RBMS2: variants seen among roughly 807,000 people sequenced by gnomAD.
The protein encoded by RBMS2 is RNA binding motif single stranded interacting protein 2.
RBMS2 carries 38 observed loss-of-function variants against 58.4 expected under a neutral mutation model. That is an observed-to-expected ratio of 0.65 (90% CI 0.50 to 0.85). RBMS2 has a LOEUF of 0.85. Among genes scored for constraint, RBMS2 ranks in the 40% least tolerant of loss-of-function variants. The probability of loss-of-function intolerance (pLI) is 0.00; values close to 1 mark genes in which losing one functional copy is unlikely to be tolerated. For missense variants in RBMS2, 367 were observed against 503.7 expected, an observed-to-expected ratio of 0.73 and a Z score of 2.60; for synonymous variants, 151 against 180.7, an observed-to-expected ratio of 0.84 and a Z score of 1.32.
At chr12:56,588,252 C>T (rs765518724) in intron 11 of RBMS2, 42 bp from the exon 12 acceptor site, 1 of 1,538,822 alleles carries the variant, frequency 6.5e-7, no homozygotes, top group Non-Finnish European at 9.0e-7. Context: ...CAAATGTAGC[C>T]AAAAATCACT....
chr12:56,588,807 CAT>C, intron 12 of RBMS2, 123 bp from the exon 13 acceptor site: 2 of 830,252 alleles, frequency 2.4e-6, no homozygotes, highest in Non-Finnish European at 4.1e-6. Context: ...AACACTCACA[CAT>C]GAGTGTGGAG....
Position 56,591,325 on chromosome 12 carries a change from C to T in RBMS2, c.*2192C>T, listed in dbSNP as rs1028915845. On this transcript the variant is annotated 3_prime_UTR_variant, in exon 14 of 14. Coordinates refer to ENST00000262031, the MANE Select transcript of RBMS2 (RefSeq NM_002898.4). ...CAGCTTTCCCTCCCTTCCCAGCCAC[C>T]CTAGAATTGAGAGTCCCAGTGCCCC... 1 of 152,122 alleles carries T rather than the reference C, an allele frequency of 6.6e-6. No individual in the cohort carries two copies. Among genetic ancestry groups the T allele is most frequent in the African/African-American group, 2.4e-5 (1 of 41,388 alleles). The allele number at this position is 152,122 out of a possible 1,614,324, so 9.4% of individuals were successfully genotyped here.
At chr12:56,569,751 G>A in intron 3 of RBMS2, 148 bp from the exon 4 acceptor site, 2 of 704,350 alleles carry the variant, frequency 2.8e-6, no homozygotes, top group Non-Finnish European at 4.9e-6. Context: ...AGGAGCATGT[G>A]GATAACTACC....
intron 1 of RBMS2, among the ~76,000 whole-genome samples, chr12:56,532,569 A>T (rs988197856): frequency 2.5e-3 from 123 of 48,926 alleles, no homozygotes; most frequent in African/African-American, 5.6e-3. Flanking sequence ...TAATTAAATT[A>T]AAAAAAAACT....
rs1036617857 is a variant in RBMS2 at position 56,593,237 on chromosome 12, G to A, written c.*4104G>A. On this transcript the variant is annotated 3_prime_UTR_variant, in exon 14 of 14. Transcript: ENST00000262031. ...CTCACTGCAGCCTCGACCTCCCAAGGCTCAGGTGATCCTCTTGCCTCAGCC... is the reference window on the plus strand; with the variant it reads ...CTCACTGCAGCCTCGACCTCCCAAGACTCAGGTGATCCTCTTGCCTCAGCC... The A allele has an allele frequency of 2.0e-5, 3 of 151,602 alleles. No individual in the cohort carries two copies. Among genetic ancestry groups the A allele is most frequent in the Non-Finnish European group, 4.4e-5 (3 of 67,996 alleles). 9.4% of individuals were successfully genotyped at this position (151,602 alleles called of 1,614,324 possible). A position where few individuals can be genotyped will look rare whatever the true frequency, so the allele number is the denominator to read the frequency against.
rs909930491 is a variant in RBMS2, at chr12:56,594,873, ATTTC to A, written c.*5744_*5747del. The A allele has an allele frequency of 3.3e-5, 5 of 152,190 alleles. No individual in the cohort carries two copies. Among genetic ancestry groups the A allele is most frequent in the African/African-American group, 1.2e-4 (5 of 41,458 alleles). 9.4% of individuals were successfully genotyped at this position (152,190 alleles called of 1,614,324 possible). On this transcript the variant is annotated 3_prime_UTR_variant, in exon 14 of 14. Transcript: ENST00000262031. ...AACAGGTAAATACCTGGATTCACTG[ATTTC>A]TTTACTGTCCTTCTCTGAGGGTTGG...
intron 5 of RBMS2, 86 bp from the exon 6 acceptor site, chr12:56,581,098 G>A (rs1203590021): frequency 9.0e-7 from 1 of 1,116,416 alleles, no homozygotes; most frequent in Non-Finnish European, 1.4e-6. Flanking sequence ...GTGGGGCTGG[G>A]AACTTAGAGC....
chr12:56,530,322 G>A (rs1873471700), intron 1 of RBMS2, among the ~76,000 whole-genome samples: 1 of 150,018 alleles, frequency 6.7e-6, no homozygotes, highest in African/African-American at 2.5e-5. Context: ...GAGGATAGCG[G>A]TGCTGTCAAG....
At chr12:56,589,096 TCTC>T in intron 13 of RBMS2, 41 bp from the exon 14 acceptor site, 1 of 1,606,330 alleles carries the variant, frequency 6.2e-7, no homozygotes, top group Non-Finnish European at 8.5e-7. Flanking sequence ...TCAGACAGGT[TCTC>T]ATGTTTGTCT....
intron 1 of RBMS2, among the ~76,000 whole-genome samples, chr12:56,534,227 A>G (rs144674226): frequency 6.6e-6 from 1 of 152,296 alleles, no homozygotes; most frequent in African/African-American, 2.4e-5. Flanking sequence ...ATTTGTGAAT[A>G]TACTGTAATT....
intron 7 of RBMS2, 75 bp downstream of exon 7, chr12:56,581,583 G>T: frequency 7.0e-7 from 1 of 1,434,870 alleles, no homozygotes; most frequent in South Asian, 1.2e-5. Flanking sequence ...CATGATTTCT[G>T]TGAGCTTAGG....
intron 1 of RBMS2, among the ~76,000 whole-genome samples, chr12:56,535,982 C>T (rs1874723320): frequency 6.6e-6 from 1 of 151,974 alleles, no homozygotes. Flanking sequence ...GGGTGGATCA[C>T]CTGAGGTCAG....
At chr12:56,543,056 T>C (rs1438995474) in intron 1 of RBMS2, among the ~76,000 whole-genome samples, 1 of 152,086 alleles carries the variant, frequency 6.6e-6, no homozygotes, top group African/African-American at 2.4e-5. Flanking sequence ...AAATTTTATA[T>C]AGAGACAGTA....
At chr12:56,550,853 T>TA (rs1565745797) in intron 1 of RBMS2, among the ~76,000 whole-genome samples, 1 of 142,556 alleles carries the variant, frequency 7.0e-6, no homozygotes, top group East Asian at 2.0e-4. Context: ...AAAAAATAAA[T>TA]AAATAAATAA....
intron 1 of RBMS2, among the ~76,000 whole-genome samples, chr12:56,559,203 A>G (rs10876909): frequency 0.94 from 142,538 of 151,676 alleles, 67,455 homozygotes; most frequent in East Asian, 1. Context: ...TTTTGGAGAC[A>G]GAGTCTCGCT....
chr12:56,571,314 T>C (rs1882254168), intron 4 of RBMS2, among the ~76,000 whole-genome samples: 1 of 152,158 alleles, frequency 6.6e-6, no homozygotes, highest in Non-Finnish European at 1.5e-5. Flanking sequence ...GGATTCTGCG[T>C]GGCTGGAAGA....
chr12:56,558,238 G>A lies in RBMS2; in HGVS notation c.67-4179G>A, dbSNP rs148925485. Among the ~76,000 whole-genome samples the A allele has an allele frequency of 6.7e-3, 974 of 144,964 alleles. 14 individuals are homozygous for A. The highest frequency in any genetic ancestry group is 0.023 in the African/African-American group (924 of 39,586). ...AATTTCTGTATTTTTAGTAGAGACG[G>A]GGTTTTGCCATGTTGGCCAGGATGG... On this transcript the variant is annotated intron_variant, in intron 1 of 13. Transcript: ENST00000262031.
At chr12:56,570,098 A>G in intron 4 of RBMS2, 108 bp downstream of exon 4, 1 of 990,452 alleles carries the variant, frequency 1.0e-6, no homozygotes, top group Non-Finnish European at 1.5e-6. Context: ...TGAGTGGGCA[A>G]GGGCTATCCG....
intron 9 of RBMS2, among the ~76,000 whole-genome samples, chr12:56,582,912 C>G (rs191159662): frequency 2.0e-5 from 3 of 151,962 alleles, no homozygotes; most frequent in Admixed American, 2.0e-4. Context: ...TCAGGTGATC[C>G]GCCCGCCTCG....
Sources: gnomAD v4.1 joint callset for allele counts (sites outside exome capture counted in the v4.1 genomes callset) on GRCh38, gnomAD v4.1.1 for gene constraint, MANE v1.5 for transcripts, NCBI Gene and HGNC (gene_info 2026-07-23, HGNC 2026-07-21) for gene names.